The following GUCD1 variants were observed in gnomAD, a reference collection of about 807,000 sequenced individuals.
The protein encoded by GUCD1 is protein GUCD1.
Under a neutral mutation model 28.3 loss-of-function variants are expected in GUCD1, and 17 were observed. The ratio of observed to expected loss-of-function variants is 0.60; its 90% confidence interval spans 0.41 to 0.90. The LOEUF is 0.90. Ranked by LOEUF, GUCD1 falls within the 40% of genes least tolerant of loss-of-function variation. The probability of loss-of-function intolerance (pLI) is 0.00; values close to 1 mark genes in which losing one functional copy is unlikely to be tolerated. For missense variants in GUCD1, 279 were observed against 305.5 expected, an observed-to-expected ratio of 0.91 and a Z score of 0.65; for synonymous variants, 129 against 123.3, an observed-to-expected ratio of 1.05 and a Z score of -0.30.
At chr22:24,547,719 G>A (rs2044763512) in intron 3 of GUCD1, 189 bp downstream of exon 3, 1 of 596,920 alleles carries the variant, frequency 1.7e-6, no homozygotes, top group African/African-American at 1.9e-5. Context: ...CCGACTGCAA[G>A]GGCACCTGCT....
In GUCD1 at chr22:24,542,976, C is replaced by G. The variant is rs370831364; in HGVS notation, c.*30G>C. ...GCCCGGCTGGGGTGGGGATGGGGTC[C>G]GAGGGCCTAGGCGCACCAGGCTCCT... is the stretch of plus-strand genomic sequence containing the variant. On this transcript the variant is annotated 3_prime_UTR_variant, in exon 6 of 6. Transcript: ENST00000435822. 6.5e-7 allele frequency: 1 copy of G among 1,541,938 alleles called. No homozygotes were observed. The highest frequency in any genetic ancestry group is 9.0e-7 in the Non-Finnish European group (1 of 1,114,770).
rs758761377 is a variant in GUCD1 at position 24,541,238 on chromosome 22, C to G, written c.*1768G>C. The G allele has an allele frequency of 1.9e-5, 3 of 154,852 alleles. No homozygotes were observed. Among genetic ancestry groups the G allele is most frequent in the Non-Finnish European group, 4.4e-5 (3 of 68,272 alleles). The allele number at this position is 154,852 out of a possible 1,614,324, so 9.6% of individuals were successfully genotyped here. A position where few individuals can be genotyped will look rare whatever the true frequency, so the allele number is the denominator to read the frequency against. On this transcript the variant is annotated 3_prime_UTR_variant, in exon 6 of 6. Coordinates refer to ENST00000435822, the MANE Select transcript of GUCD1 (RefSeq NM_001284254.2). Reference sequence around the variant, plus strand: ...CACTGCCCTCCTAAACAGAGCCCACCTCTGCCCCCAGAGTCATCTGTGCTC... The same window carrying G: ...CACTGCCCTCCTAAACAGAGCCCACGTCTGCCCCCAGAGTCATCTGTGCTC...
upstream of GUCD1, chr22:24,555,517 C>T (rs1277966980): frequency 3.6e-6 from 5 of 1,388,894 alleles, no homozygotes; most frequent in East Asian, 7.5e-5. Context: ...AACTCTCCTC[C>T]AACTGTCTTT....
intron 1 of GUCD1, among the ~76,000 whole-genome samples, chr22:24,552,130 C>G (rs577090180): frequency 6.6e-6 from 1 of 152,292 alleles, no homozygotes; most frequent in African/African-American, 2.4e-5. Context: ...ACAGAACCTG[C>G]CAGCGCCTTG....
At chr22:24,549,522 CTTTTTT>C (rs1194809212) in intron 1 of GUCD1, among the ~76,000 whole-genome samples, 1 of 151,956 alleles carries the variant, frequency 6.6e-6, no homozygotes, top group Non-Finnish European at 1.5e-5. Flanking sequence ...GAGTCTTTTT[CTTTTTT>C]TTCAACAGGG....
At chr22:24,548,822 C>A in intron 2 of GUCD1, 95 bp downstream of exon 2, 1 of 921,616 alleles carries the variant, frequency 1.1e-6, no homozygotes, top group Non-Finnish European at 1.7e-6. Flanking sequence ...CCAAAGATAG[C>A]TACATGGACC....
At chr22:24,554,759 G>A (rs905298440) in intron 1 of GUCD1, among the ~76,000 whole-genome samples, 190 bp downstream of exon 1, 1 of 152,200 alleles carries the variant, frequency 6.6e-6, no homozygotes, top group Admixed American at 6.5e-5. Context: ...CCTGCTACCC[G>A]GACCTTCCCA....
intron 1 of GUCD1, among the ~76,000 whole-genome samples, chr22:24,551,457 C>T (rs183428683): frequency 2.6e-4 from 40 of 152,324 alleles, no homozygotes; most frequent in Non-Finnish European, 4.4e-4. Context: ...GTTCTCATCC[C>T]TTACCGGGGC....
At chr22:24,545,127 G>A (rs927908430) in intron 4 of GUCD1, among the ~76,000 whole-genome samples, 1 of 152,166 alleles carries the variant, frequency 6.6e-6, no homozygotes, top group Admixed American at 6.5e-5. Flanking sequence ...CATCTTTGCT[G>A]GAGGGGCTGC....
At chr22:24,555,626 G>A (rs1208087096), upstream of GUCD1, 2 of 1,550,662 alleles carry the variant, frequency 1.3e-6, no homozygotes, top group Non-Finnish European at 1.7e-6. Context: ...TGGCGGTGCC[G>A]GGATCAACAA....
intron 4 of GUCD1, 52 bp downstream of exon 4, chr22:24,546,862 G>A: frequency 6.7e-7 from 1 of 1,485,796 alleles, no homozygotes; most frequent in Non-Finnish European, 9.4e-7. Context: ...CTGCAGATCT[G>A]TGGGTGAGCA....
chr22:24,544,623 T>C (rs2044679250), intron 4 of GUCD1, among the ~76,000 whole-genome samples: 1 of 152,128 alleles, frequency 6.6e-6, no homozygotes, highest in Admixed American at 6.6e-5. Flanking sequence ...CCAGGGGAGC[T>C]CCAGTTCAGC....
chr22:24,543,002 G>A lies in GUCD1; in HGVS notation c.*4C>T. 6.2e-7 allele frequency: 1 copy of A among 1,608,468 alleles called. No homozygotes were observed. Among genetic ancestry groups the A allele is most frequent in the Non-Finnish European group, 8.5e-7 (1 of 1,174,950 alleles). ...GAGGGCCTAGGCGCACCAGGCTCCT[G>A]CTGTCAGCTGTCCAAGTAGACAAAG... is the stretch of plus-strand genomic sequence containing the variant. On this transcript the variant is annotated 3_prime_UTR_variant, in exon 6 of 6. Coordinates refer to ENST00000435822, the MANE Select transcript of GUCD1 (RefSeq NM_001284254.2).
chr22:24,551,041 C>T (rs559338930), intron 1 of GUCD1, among the ~76,000 whole-genome samples: 1 of 152,344 alleles, frequency 6.6e-6, no homozygotes, highest in East Asian at 1.9e-4. Flanking sequence ...AAGCAGGCCA[C>T]CTGCTAGCTA....
At position 24,542,940 on chromosome 22, in the gene GUCD1, A is replaced by G. The variant is rs8139822; in HGVS notation, c.*66T>C. On this transcript the variant is annotated 3_prime_UTR_variant, in exon 6 of 6. Coordinates refer to ENST00000435822, the MANE Select transcript of GUCD1 (RefSeq NM_001284254.2). ...AGCAGCCCCAAGCCTGGGCCAGGGCATCCTGAGCGGGCCCGGCTGGGGTGG... is the reference window on the plus strand; with the variant it reads ...AGCAGCCCCAAGCCTGGGCCAGGGCGTCCTGAGCGGGCCCGGCTGGGGTGG... 0.8 allele frequency: 934,053 copies of G among 1,164,202 alleles called. 379,951 individuals carry two copies. Among genetic ancestry groups the G allele is most frequent in the Non-Finnish European group, 0.84 (649,274 of 771,992 alleles). The allele number at this position is 1,164,202 out of a possible 1,614,324, so 72.1% of individuals were successfully genotyped here.
In GUCD1 at chr22:24,542,822, A is replaced by G. The variant is rs927071813; in HGVS notation, c.*184T>C. ...TGCTTGGGGTGAGTGACATGACAAC[A>G]CACGGCACTGGCAGACAAAGCAGCT... On this transcript the variant is annotated 3_prime_UTR_variant, in exon 6 of 6. Transcript: ENST00000435822. 1.8e-6 allele frequency: 1 copy of G among 570,750 alleles called. No homozygotes were observed. Among genetic ancestry groups the G allele is most frequent in the Non-Finnish European group, 3.2e-6 (1 of 315,976 alleles). The allele number at this position is 570,750 out of a possible 1,614,324, so 35.4% of individuals were successfully genotyped here.
Position 24,555,010 on chromosome 22 carries a change from C to A in GUCD1, c.-19G>T, listed in dbSNP as rs1421471419. ...TCCTCATGACCCGGGCGGCGCGGGG[C>A]GCCCATGGCCCCGGCCCAGAGCGGG... On this transcript the variant is annotated 5_prime_UTR_variant, in exon 1 of 6. Transcript: ENST00000435822. The A allele has an allele frequency of 1.3e-6, 2 of 1,495,462 alleles. No homozygotes were observed. Among genetic ancestry groups the A allele is most frequent in the South Asian group, 1.3e-5 (1 of 76,878 alleles). 92.6% of individuals were successfully genotyped at this position (1,495,462 alleles called of 1,614,324 possible).
intron 2 of GUCD1, among the ~76,000 whole-genome samples, 193 bp from the exon 3 acceptor site, chr22:24,548,266 C>A (rs560414509): frequency 6.6e-6 from 1 of 152,352 alleles, no homozygotes; most frequent in African/African-American, 2.4e-5. Context: ...TCCAGAGTTG[C>A]AGGCCTGGAC....
In GUCD1 at chr22:24,549,015, G is replaced by T; in HGVS notation, c.44-14C>A. 1 of 1,556,328 alleles carries T rather than the reference G, an allele frequency of 6.4e-7. No individual in the cohort carries two copies. The highest frequency in any genetic ancestry group is 8.7e-7 in the Non-Finnish European group (1 of 1,147,024). ...GCACAAAGTCCCCTGTGCAGAAACA[G>T]AGGGAGGTCACAGACCCTCAGCGCA... On this transcript the variant is annotated splice_polypyrimidine_tract_variant and intron_variant, in intron 1 of 5. Transcript: ENST00000435822.
Sources: allele counts gnomAD v4.1 joint callset (sites outside exome capture counted in the v4.1 genomes callset), GRCh38; gene constraint gnomAD v4.1.1; transcripts MANE v1.5; gene names NCBI Gene and HGNC (gene_info 2026-07-23, HGNC 2026-07-21).